Variants in MAPK10 observed in about 807,000 individuals in gnomAD.
The protein encoded by MAPK10 is mitogen-activated protein kinase 10.
A neutral mutation model predicts 59.3 loss-of-function variants in MAPK10; 25 were observed. The observed-to-expected ratio is 0.42, with a 90% CI of 0.31 to 0.59. The LOEUF is 0.59. Ranked by LOEUF, MAPK10 falls within the 20% of genes least tolerant of loss-of-function variation. MAPK10 has a pLI of 0.15. For missense variants in MAPK10, 351 were observed against 568.9 expected (o/e 0.62, Z 3.90); for synonymous variants, 190 against 200.5 (o/e 0.95, Z 0.44).
intron 2 of MAPK10, among the ~76,000 whole-genome samples, chr4:86,257,984 T>C (rs1025893041): frequency 1.3e-5 from 2 of 152,210 alleles, no homozygotes; most frequent in Admixed American, 1.3e-4. Flanking sequence ...ATATTCATTC[T>C]TCTTCTATGC....
At chr4:86,328,100 C>A (rs1269229394) in intron 2 of MAPK10, among the ~76,000 whole-genome samples, 3 of 152,078 alleles carry the variant, frequency 2.0e-5, no homozygotes, top group African/African-American at 7.2e-5. Flanking sequence ...AGGACTCTTT[C>A]CTCATGAAGG....
At chr4:86,244,407 T>C (rs534465783) in intron 2 of MAPK10, among the ~76,000 whole-genome samples, 1 of 152,356 alleles carries the variant, frequency 6.6e-6, no homozygotes, top group African/African-American at 2.4e-5. Flanking sequence ...GTAAAGTTTC[T>C]TGCATTTGAG....
chr4:86,233,861 A>C (rs759356755), intron 2 of MAPK10, among the ~76,000 whole-genome samples: 10 of 151,498 alleles, frequency 6.6e-5, no homozygotes, highest in Non-Finnish European at 1.2e-4. Context: ...TTAGAATTCC[A>C]GGATATGGTA....
At chr4:86,454,704 T>C (rs983340040), upstream of MAPK10, among the ~76,000 whole-genome samples, 4 of 152,188 alleles carry the variant, frequency 2.6e-5, no homozygotes, top group African/African-American at 9.6e-5. Context: ...GGCAACTATA[T>C]TTGGGGGATT....
chr4:86,348,642 A>G (rs1052299525), intron 2 of MAPK10, among the ~76,000 whole-genome samples: 1 of 152,178 alleles, frequency 6.6e-6, no homozygotes, highest in African/African-American at 2.4e-5. Context: ...CTACTTTTCA[A>G]AAAGCACAGG....
At chr4:86,165,899 T>C (rs2071535920) in intron 3 of MAPK10, among the ~76,000 whole-genome samples, 1 of 152,026 alleles carries the variant, frequency 6.6e-6, no homozygotes, top group Non-Finnish European at 1.5e-5. Flanking sequence ...ATCAATGAAT[T>C]ATGAAAAATC....
rs552699793 is a variant in MAPK10, at chr4:86,336,813, C to T, written c.-7+17717G>A. On this transcript the variant is annotated intron_variant, in intron 2 of 13. Coordinates refer to ENST00000641462, the MANE Select transcript of MAPK10 (RefSeq NM_138982.4). Reference sequence around the variant, plus strand: ...TTTTTTTTTTTTTTTTTTTTTGAGACGGAGTCTTGCACTGTCACCCAGGCT... The same window carrying T: ...TTTTTTTTTTTTTTTTTTTTTGAGATGGAGTCTTGCACTGTCACCCAGGCT... Among the ~76,000 whole-genome samples, 106 of 92,784 alleles carry T rather than the reference C, an allele frequency of 1.1e-3. 1 individual carries two copies. Among genetic ancestry groups the T allele is most frequent in the African/African-American group, 2.9e-3 (71 of 24,232 alleles). The allele number at this position is 92,784 out of a possible 152,430, so 60.9% of individuals were successfully genotyped here.
chr4:86,226,500 A>C (rs2090648719), intron 2 of MAPK10, among the ~76,000 whole-genome samples: 1 of 152,232 alleles, frequency 6.6e-6, no homozygotes, highest in Non-Finnish European at 1.5e-5. Context: ...GAGTTTAAAG[A>C]TATTTCAAAA....
At chr4:86,359,429 C>A (rs978177613) in intron 1 of MAPK10, among the ~76,000 whole-genome samples, 15 of 151,442 alleles carry the variant, frequency 9.9e-5, no homozygotes, top group African/African-American at 3.4e-4. Flanking sequence ...ACCCCTCACT[C>A]CAAATGGAAA....
At chr4:86,526,870 GA>G (rs1159337837) in intron 1 of MAPK10, among the ~76,000 whole-genome samples, 1 of 152,100 alleles carries the variant, frequency 6.6e-6, no homozygotes, top group Admixed American at 6.5e-5. Context: ...GTGTGCTTTT[GA>G]AAAATATTTT....
At chr4:86,375,987 C>T (rs1403631924) in intron 1 of MAPK10, among the ~76,000 whole-genome samples, 1 of 152,062 alleles carries the variant, frequency 6.6e-6, no homozygotes, top group African/African-American at 2.4e-5. Flanking sequence ...GTGCTATGGT[C>T]TTTAACATTT....
chr4:86,300,000 C>A (rs995425134), intron 2 of MAPK10, among the ~76,000 whole-genome samples: 3 of 152,082 alleles, frequency 2.0e-5, no homozygotes, highest in African/African-American at 7.2e-5. Context: ...TCAAGAGATT[C>A]TCCTGCCTCA....
At chr4:86,058,814 A>T (rs919445109) in intron 11 of MAPK10, among the ~76,000 whole-genome samples, 1 of 152,060 alleles carries the variant, frequency 6.6e-6, no homozygotes, top group African/African-American at 2.4e-5. Context: ...TATCTGCATC[A>T]GCTGTCTCTC....
rs115812182 is a variant in MAPK10 at position 86,402,349 on chromosome 4, C to T, written c.-121-47705G>A. Among the ~76,000 whole-genome samples the T allele has an allele frequency of 4.9e-3, 745 of 152,236 alleles. 8 individuals are homozygous for T. Among genetic ancestry groups the T allele is most frequent in the African/African-American group, 0.017 (699 of 41,558 alleles). ...TACAGCATCATATCATTTATCACCACGGGCTCTCTAATTCAGTTTTAACAT... is the reference window on the plus strand; with the variant it reads ...TACAGCATCATATCATTTATCACCATGGGCTCTCTAATTCAGTTTTAACAT... On this transcript the variant is annotated intron_variant, in intron 1 of 13. Transcript: ENST00000361569.
intron 3 of MAPK10, 35 bp from the exon 4 acceptor site, chr4:86,159,502 A>C (rs768126033): frequency 1.3e-6 from 2 of 1,576,094 alleles, no homozygotes; most frequent in Non-Finnish European, 1.7e-6. Context: ...ACATGAGGCA[A>C]GTGAACAGGC....
chr4:86,291,039 A>G (rs2095209644), intron 2 of MAPK10, among the ~76,000 whole-genome samples: 1 of 152,208 alleles, frequency 6.6e-6, no homozygotes, highest in Non-Finnish European at 1.5e-5. Context: ...TAGGAAAGCT[A>G]TAATACAGCA....
intron 2 of MAPK10, among the ~76,000 whole-genome samples, chr4:86,285,228 T>A (rs1349701493): frequency 6.6e-6 from 1 of 152,088 alleles, no homozygotes; most frequent in African/African-American, 2.4e-5. Flanking sequence ...TGACACTTTT[T>A]TTTTTTTGAG....
chr4:86,550,358 T>G (rs1759659872), intron 1 of MAPK10, among the ~76,000 whole-genome samples: 1 of 114,152 alleles, frequency 8.8e-6, no homozygotes, highest in Non-Finnish European at 1.7e-5. Context: ...TCAGAAGGGC[T>G]AAGCAGAGCT....
intron 9 of MAPK10, among the ~76,000 whole-genome samples, chr4:86,094,586 G>C (rs1214958534): frequency 6.6e-6 from 1 of 151,884 alleles, no homozygotes; most frequent in African/African-American, 2.4e-5. Flanking sequence ...TCTAAAAGAA[G>C]CAGGTTTGAG....
Sources: gnomAD v4.1 joint callset for allele counts (sites outside exome capture counted in the v4.1 genomes callset) on GRCh38, gnomAD v4.1.1 for gene constraint, MANE v1.5 for transcripts, NCBI Gene and HGNC (gene_info 2026-07-23, HGNC 2026-07-21) for gene names.